The following COMT variants were observed in gnomAD, a reference collection of about 807,000 sequenced individuals.
The protein encoded by COMT is catechol-O-methyltransferase, also known as catechol O-methyltransferase.
In COMT, 13 loss-of-function variants were observed where a neutral mutation model predicts 18.9. The ratio of observed to expected loss-of-function variants is 0.69; its 90% confidence interval spans 0.45 to 1.09. The LOEUF (loss-of-function observed/expected upper bound fraction) is 1.09. Among genes scored for constraint, COMT ranks in the 50% least tolerant of loss-of-function variants. The pLI is 0.00. For missense variants in COMT, 329 were observed against 361.8 expected, an observed-to-expected ratio of 0.91 and a Z score of 0.73; for synonymous variants, 150 against 160.9, an observed-to-expected ratio of 0.93 and a Z score of 0.51.
At chr22:19,948,817 T>G (rs5993881) in intron 1 of COMT, among the ~76,000 whole-genome samples, 226 of 151,834 alleles carry the variant, frequency 1.5e-3, no homozygotes, top group African/African-American at 5.1e-3. Flanking sequence ...TAGCTGGGCG[T>G]GGTGCCATGT....
intron 1 of COMT, among the ~76,000 whole-genome samples, chr22:19,955,200 T>C (rs1040023971): frequency 4.6e-5 from 7 of 152,176 alleles, no homozygotes; most frequent in Non-Finnish European, 8.8e-5. Flanking sequence ...AAACTTCTGG[T>C]CATTCCTTTA....
intron 1 of COMT, among the ~76,000 whole-genome samples, chr22:19,948,155 A>G (rs553427964): frequency 6.6e-6 from 1 of 152,236 alleles, no homozygotes; most frequent in South Asian, 2.1e-4. Context: ...TAATGTAACT[A>G]TTCTTATTTT....
intron 1 of COMT, among the ~76,000 whole-genome samples, chr22:19,945,208 G>A (rs1430821765): frequency 3.3e-5 from 5 of 152,106 alleles, no homozygotes; most frequent in East Asian, 1.9e-4. Context: ...CTCTCTTCTC[G>A]AGGTCCCTGA....
Position 19,962,635 on chromosome 22 carries a change from G to C in COMT, c.109G>C (p.Gly37Arg), listed in dbSNP as rs770700364. Residue 37 changes from glycine to arginine, a missense_variant, in exon 3 of 6, where the codon GGC becomes CGC. Gly to Arg is a moderately radical substitution (Grantham distance 125). Transcript: ENST00000361682. Reference sequence around the variant, plus strand: ...CTGGGGCTGGGGCCTGTGCCTTATCGGCTGGAACGAGTTCATCCTGCAGCC... The same window carrying C: ...CTGGGGCTGGGGCCTGTGCCTTATCCGCTGGAACGAGTTCATCCTGCAGCC... Reference protein sequence around the residue: ...RHWGWGLCLIGWNEFILQPIH... With the variant: ...RHWGWGLCLIRWNEFILQPIH... 3 of 1,604,790 alleles carry C rather than the reference G, an allele frequency of 1.9e-6. No individual in the cohort carries two copies. The highest frequency in any genetic ancestry group is 1.3e-5 in the African/African-American group (1 of 74,680).
At chr22:19,968,365 TGTACAGTCC>T (rs1263544662) in intron 5 of COMT, among the ~76,000 whole-genome samples, 162 bp from the exon 6 acceptor site, 1 of 152,164 alleles carries the variant, frequency 6.6e-6, no homozygotes, top group African/African-American at 2.4e-5. Flanking sequence ...ACCCAAGTCT[TGTACAGTCC>T]TTTCCTGCAG....
chr22:19,963,198 G>A, intron 3 of COMT: 1 of 479,926 alleles, frequency 2.1e-6, no homozygotes, highest in South Asian at 2.6e-5. Flanking sequence ...GAGTGACTCA[G>A]GGAACTAGTG....
At chr22:19,963,226 G>C (rs1942243673) in intron 3 of COMT, 5 of 505,934 alleles carry the variant, frequency 9.9e-6, no homozygotes, top group Non-Finnish European at 1.8e-5. Flanking sequence ...AGGGCCCCAA[G>C]GTGGGCGGTT....
At chr22:19,952,425 G>T (rs942181022) in intron 1 of COMT, among the ~76,000 whole-genome samples, 1 of 152,146 alleles carries the variant, frequency 6.6e-6, no homozygotes, top group South Asian at 2.1e-4. Flanking sequence ...GGATCATGAG[G>T]TCAGGAGATC....
At chr22:19,957,608 CT>C (rs1348287347) in intron 1 of COMT, among the ~76,000 whole-genome samples, 2 of 152,262 alleles carry the variant, frequency 1.3e-5, no homozygotes, top group African/African-American at 2.4e-5. Context: ...TCAAGCCCAG[CT>C]GCCTGTGTCC....
intron 3 of COMT, among the ~76,000 whole-genome samples, chr22:19,963,178 C>T (rs975780123): frequency 3.3e-5 from 5 of 152,138 alleles, no homozygotes; most frequent in East Asian, 1.9e-4. Context: ...GATGTGTTAC[C>T]GGGCTCACGG....
At chr22:19,965,102 C>T (rs140814567) in intron 5 of COMT, 12 of 157,858 alleles carry the variant, frequency 7.6e-5, no homozygotes, top group Admixed American at 2.4e-4. Flanking sequence ...ACCCTGGACA[C>T]GGATTGGAAG....
At chr22:19,962,482 A>C (rs759968047) in intron 2 of COMT, 45 bp from the exon 3 acceptor site, 2 of 1,551,884 alleles carry the variant, frequency 1.3e-6, no homozygotes, top group Non-Finnish European at 8.7e-7. Context: ...TGGGTGCTGC[A>C]GGAGGAGCAC....
chr22:19,961,310 CG>C (rs35357972), intron 2 of COMT, 21 bp downstream of exon 2: 1 of 152,534 alleles, frequency 6.6e-6, no homozygotes, highest in East Asian at 1.9e-4. Flanking sequence ...CAACGGAAGC[CG>C]GGGCAGTGCC....
intron 3 of COMT, 172 bp from the exon 4 acceptor site, chr22:19,963,394 G>T: frequency 1.4e-6 from 1 of 722,964 alleles, no homozygotes; most frequent in Non-Finnish European, 2.3e-6. Context: ...GGGGACACCA[G>T]GGAGGTGAAA....
intron 5 of COMT, among the ~76,000 whole-genome samples, chr22:19,966,390 C>G (rs1053303610): frequency 1.1e-4 from 17 of 149,690 alleles, no homozygotes; most frequent in African/African-American, 4.2e-4. Context: ...CTGCTGTAGT[C>G]ACCAAGTCCA....
intron 1 of COMT, among the ~76,000 whole-genome samples, chr22:19,957,886 A>G (rs1424420657): frequency 6.6e-6 from 1 of 152,222 alleles, no homozygotes; most frequent in African/African-American, 2.4e-5. Flanking sequence ...ATTCATTTTA[A>G]TAACTGAATC....
chr22:19,941,779 G>T lies in COMT; in HGVS notation c.-210G>T. ...CACCGGAAGCGCCCTCCTAATCCCCGCAGCGCCACCGCCATTGCCGCCATC... is the reference window on the plus strand; with the variant it reads ...CACCGGAAGCGCCCTCCTAATCCCCTCAGCGCCACCGCCATTGCCGCCATC... On this transcript the variant is annotated 5_prime_UTR_variant, in exon 1 of 6. Coordinates refer to ENST00000361682, the MANE Select transcript of COMT (RefSeq NM_000754.4). The T allele has an allele frequency of 6.5e-7, 1 of 1,527,132 alleles. No individual in the cohort carries two copies. The highest frequency in any genetic ancestry group is 8.7e-7 in the Non-Finnish European group (1 of 1,147,210). The allele number at this position is 1,527,132 out of a possible 1,614,324, so 94.6% of individuals were successfully genotyped here.
intron 1 of COMT, among the ~76,000 whole-genome samples, chr22:19,953,937 G>A (rs755186695): frequency 6.6e-5 from 10 of 152,128 alleles, no homozygotes; most frequent in African/African-American, 2.2e-4. Flanking sequence ...GCGAATGTGC[G>A]ACCACCATGC....
chr22:19,963,408 C>G, intron 3 of COMT, 158 bp from the exon 4 acceptor site: 1 of 806,658 alleles, frequency 1.2e-6, no homozygotes, highest in Non-Finnish European at 2.0e-6. Context: ...GGTGAAATAC[C>G]CCTCCAGCGG....
Sources: gnomAD v4.1 joint callset for allele counts (sites outside exome capture counted in the v4.1 genomes callset) on GRCh38, gnomAD v4.1.1 for gene constraint, MANE v1.5 for transcripts, NCBI Gene and HGNC (gene_info 2026-07-23, HGNC 2026-07-21) for gene names.